The following SLC9A7 variants were observed in gnomAD, a reference collection of about 807,000 sequenced individuals.
SLC9A7 encodes the protein solute carrier family 9 member A7.
Under a neutral mutation model 52.6 loss-of-function variants are expected in SLC9A7, and 19 were observed. The observed-to-expected ratio is 0.36, with a 90% CI of 0.25 to 0.53. SLC9A7 has a LOEUF of 0.53. Ranked by LOEUF, SLC9A7 falls within the 20% of genes least tolerant of loss-of-function variation. SLC9A7 has a pLI of 0.91. For missense variants in SLC9A7, 455 were observed against 597.9 expected (o/e 0.76, Z 2.49); for synonymous variants, 226 against 252.1 (o/e 0.90, Z 0.98).
intron 1 of SLC9A7, among the ~76,000 whole-genome samples, chrX:46,721,788 T>TA (rs768183644): frequency 7.0e-4 from 78 of 111,989 alleles, no homozygotes; most frequent in Non-Finnish European, 1.3e-3. Flanking sequence ...AACTTCAGTC[T>TA]AGAGCAGGTA....
chrX:46,620,427 A>AAAAC (rs1314645797), intron 15 of SLC9A7, among the ~76,000 whole-genome samples: 3 of 111,044 alleles, frequency 2.7e-5, no homozygotes, highest in Non-Finnish European at 5.7e-5. Context: ...TCAAAAACAA[A>AAAAC]AAACAAACAA....
At chrX:46,718,013 A>G (rs4824409) in intron 1 of SLC9A7, among the ~76,000 whole-genome samples, 25,633 of 110,912 alleles carry the variant, frequency 0.23, 2,571 homozygotes, top group East Asian at 0.55. Context: ...AAAAGAACAA[A>G]GCTGGAGGCA....
chrX:46,699,551 T>A (rs776014681), intron 1 of SLC9A7, among the ~76,000 whole-genome samples: 149 of 111,689 alleles, frequency 1.3e-3, no homozygotes, highest in African/African-American at 4.7e-3. Context: ...GCTAGCTCAA[T>A]AGTCCCAGGA....
At chrX:46,709,793 A>C (rs1408768149) in intron 1 of SLC9A7, among the ~76,000 whole-genome samples, 1 of 112,328 alleles carries the variant, frequency 8.9e-6, no homozygotes, top group East Asian at 2.8e-4. Context: ...ATACTATAGC[A>C]GTGGGGTTCT....
At chrX:46,708,315 G>T (rs1006486908) in intron 1 of SLC9A7, among the ~76,000 whole-genome samples, 7 of 110,931 alleles carry the variant, frequency 6.3e-5, no homozygotes, top group African/African-American at 2.3e-4. Flanking sequence ...ATCACCTGAG[G>T]TCGGGAGTTG....
chrX:46,750,921 T>C (rs1301535386), intron 1 of SLC9A7, among the ~76,000 whole-genome samples: 4 of 112,327 alleles, frequency 3.6e-5, no homozygotes, highest in African/African-American at 9.7e-5. Context: ...ATGCAAATCC[T>C]ATTACTTCTC....
At chrX:46,680,698 C>A (rs1207836353) in intron 2 of SLC9A7, among the ~76,000 whole-genome samples, 1 of 112,281 alleles carries the variant, frequency 8.9e-6, no homozygotes, top group East Asian at 2.8e-4. Flanking sequence ...ATTAAGCATG[C>A]TATAAACATG....
At chrX:46,747,831 A>C (rs1176524696) in intron 1 of SLC9A7, among the ~76,000 whole-genome samples, 1 of 112,184 alleles carries the variant, frequency 8.9e-6, no homozygotes, top group African/African-American at 3.2e-5. Context: ...AAGCCACAAC[A>C]AGATACCACT....
chrX:46,647,773 A>G (rs1943516842), intron 11 of SLC9A7, among the ~76,000 whole-genome samples: 1 of 112,687 alleles, frequency 8.9e-6, no homozygotes. Flanking sequence ...GCAAGCTAGC[A>G]TGAGATAAAA....
At chrX:46,698,530 C>T (rs755298491) in intron 1 of SLC9A7, among the ~76,000 whole-genome samples, 3 of 111,861 alleles carry the variant, frequency 2.7e-5, no homozygotes, top group Non-Finnish European at 5.6e-5. Context: ...TTTTAAAGTA[C>T]ATGGGACATA....
chrX:46,687,137 G>A (rs748808478), intron 1 of SLC9A7, among the ~76,000 whole-genome samples: 1 of 112,286 alleles, frequency 8.9e-6, no homozygotes, highest in Non-Finnish European at 1.9e-5. Flanking sequence ...GCTGTTGGGA[G>A]GAGAGCTGAA....
intron 1 of SLC9A7, among the ~76,000 whole-genome samples, chrX:46,696,147 G>C (rs1293032293): frequency 1.8e-5 from 2 of 109,748 alleles, no homozygotes; most frequent in Non-Finnish European, 3.8e-5. Flanking sequence ...CACCACGGCC[G>C]GCTAATTTTT....
At position 46,664,629 on chromosome X, in the gene SLC9A7, C is replaced by T. The variant is rs774434039; in HGVS notation, c.794-1986G>A. Reference sequence around the variant, plus strand: ...AGCCTCTTCCTTCACTAAAGGGAACCGCTAAACTAAATTTTATAGTCATCA... The same window carrying T: ...AGCCTCTTCCTTCACTAAAGGGAACTGCTAAACTAAATTTTATAGTCATCA... On this transcript the variant is annotated intron_variant, in intron 5 of 16. Transcript: ENST00000616978. Among the ~76,000 whole-genome samples, 27 of 111,761 alleles carry T rather than the reference C, an allele frequency of 2.4e-4. No individual in the cohort carries two copies. The South Asian group carries it at 4.5e-3, about 18-fold the overall frequency.
At position 46,643,346 on chromosome X, in the gene SLC9A7, C is replaced by T. The variant is rs770138438; in HGVS notation, c.1506G>A (p.Thr502=). 7 of 1,209,246 alleles carry T rather than the reference C, an allele frequency of 5.8e-6. No homozygotes were observed. The highest frequency in any genetic ancestry group is 2.2e-5 in the Admixed American group (1 of 45,807). ...AMAFALAIRD[T]ASYARQMMFT... is the part of the protein sequence containing the mutation. The stretch of plus-strand genomic sequence containing the variant: ...ACATCATCTGGCGAGCATAGGATGC[C>T]GTGTCACGGATGGCCAACGCAAATG... The change falls in exon 12 of 17, where the codon ACG becomes ACA. Residue 502 remains threonine (T), a synonymous_variant. Transcript: ENST00000616978.
chrX:46,613,323 A>G lies in SLC9A7; in HGVS notation c.1895T>C (p.Leu632Pro). 2.5e-6 allele frequency: 3 copies of G among 1,208,675 alleles called. No homozygotes were observed. The highest frequency in any genetic ancestry group is 3.4e-6 in the Non-Finnish European group (3 of 893,669). The part of the protein sequence containing the change: ...TTTLPAWCGL[L>P]ARCLTSPQVY... The stretch of plus-strand genomic sequence containing the variant: ...CTGGGGACTGGTCAGACATCGAGCT[A>G]GTAAGCCACACCAGGCGGGGAGCGT... Residue 632 changes from leucine to proline, a missense_variant, in exon 16 of 17, where the codon CTA becomes CCA. Physicochemically the swap from Leu to Pro is moderately conservative, Grantham distance 98 (BLOSUM62 -3). Coordinates refer to ENST00000616978, the MANE Select transcript of SLC9A7 (RefSeq NM_001257291.2).
rs913341634 is a variant in SLC9A7, at chrX:46,604,780, A to G, written c.*2172T>C. 1.8e-5 allele frequency: 2 copies of G among 112,525 alleles called. No individual in the cohort carries two copies. Among genetic ancestry groups the G allele is most frequent in the Admixed American group, 1.9e-4 (2 of 10,616 alleles). 9.3% of individuals were successfully genotyped at this position (112,525 alleles called of 1,213,427 possible). A position where few individuals can be genotyped will look rare whatever the true frequency, so the allele number is the denominator to read the frequency against. On this transcript the variant is annotated 3_prime_UTR_variant, in exon 17 of 17. Coordinates refer to ENST00000616978, the MANE Select transcript of SLC9A7 (RefSeq NM_001257291.2). ...ATGAAATTGCCACTCCTGTTTTTACAAAATGGTCGAATATCAGCAAACTCA... is the reference window on the plus strand; with the variant it reads ...ATGAAATTGCCACTCCTGTTTTTACGAAATGGTCGAATATCAGCAAACTCA...
chrX:46,709,766 A>T (rs1944660518), intron 1 of SLC9A7, among the ~76,000 whole-genome samples: 1 of 112,402 alleles, frequency 8.9e-6, no homozygotes. Context: ...AAATTCCAGC[A>T]GCCATTCTTT....
At chrX:46,712,228 TAAAGA>T (rs1262025001) in intron 1 of SLC9A7, among the ~76,000 whole-genome samples, 1 of 111,596 alleles carries the variant, frequency 9.0e-6, no homozygotes, top group African/African-American at 3.3e-5. Flanking sequence ...GGGTAATTTA[TAAAGA>T]AAAGAGGTTT....
At chrX:46,757,679 C>CT (rs1169030196) in intron 1 of SLC9A7, among the ~76,000 whole-genome samples, 2 of 110,969 alleles carry the variant, frequency 1.8e-5, no homozygotes, top group African/African-American at 6.6e-5. Flanking sequence ...AATTCAGGGG[C>CT]TTTAACACCA....
Sources: gnomAD v4.1 joint callset for allele counts (sites outside exome capture counted in the v4.1 genomes callset) on GRCh38, gnomAD v4.1.1 for gene constraint, MANE v1.5 for transcripts, NCBI Gene and HGNC (gene_info 2026-07-23, HGNC 2026-07-21) for gene names.